CTNNA2: variants seen among roughly 807,000 people sequenced by gnomAD.
CTNNA2 encodes the protein catenin alpha 2.
A neutral mutation model predicts 101.0 loss-of-function variants in CTNNA2; 42 were observed. The observed-to-expected ratio is 0.42, with a 90% CI of 0.32 to 0.54. The LOEUF (loss-of-function observed/expected upper bound fraction) is 0.54, where lower values mean the gene tolerates loss of function less well. Ranked by LOEUF, CTNNA2 falls within the 20% of genes least tolerant of loss-of-function variation. The probability of loss-of-function intolerance (pLI) is 0.14; values close to 1 mark genes in which losing one functional copy is unlikely to be tolerated. For missense variants in CTNNA2, 871 were observed against 1,223.1 expected (o/e 0.71, Z 4.29); for synonymous variants, 450 against 456.4 (o/e 0.99, Z 0.18).
intron 2 of CTNNA2, among the ~76,000 whole-genome samples, chr2:79,652,503 T>C (rs1681330547): frequency 6.6e-6 from 1 of 152,108 alleles, no homozygotes; most frequent in Non-Finnish European, 1.5e-5. Context: ...TGTAGCATCT[T>C]CAAATTTCTC....
intron 3 of CTNNA2, among the ~76,000 whole-genome samples, chr2:79,776,463 C>T (rs1416597917): frequency 6.6e-6 from 1 of 152,084 alleles, no homozygotes; most frequent in Non-Finnish European, 1.5e-5. Context: ...AAATCAATTG[C>T]ATATGAGTCG....
At chr2:79,287,762 G>A (rs1675652554) in intron 2 of CTNNA2, among the ~76,000 whole-genome samples, 1 of 152,232 alleles carries the variant, frequency 6.6e-6, no homozygotes, top group South Asian at 2.1e-4. Context: ...TCCTTGAGCT[G>A]TGGTGGGCTC....
chr2:79,519,435 G>A (rs536495626), intron 1 of CTNNA2, among the ~76,000 whole-genome samples: 43 of 151,946 alleles, frequency 2.8e-4, no homozygotes, highest in African/African-American at 9.4e-4. Context: ...CTGAACCAAG[G>A]CAACTGGATT....
intron 7 of CTNNA2, among the ~76,000 whole-genome samples, chr2:79,913,247 G>A (rs1685938785): frequency 6.6e-6 from 1 of 152,206 alleles, no homozygotes; most frequent in Non-Finnish European, 1.5e-5. Context: ...TTGAAAGGAT[G>A]ACATTAGATC....
chr2:79,305,502 GT>G lies in CTNNA2; in HGVS notation c.-405-7203del, dbSNP rs200515856. ...GTGCATGGTATGGTATCTTTTCAAT[GT>G]TTTATTATATTCTACACTCTTTTTG... is the stretch of plus-strand genomic sequence containing the variant. On this transcript the variant is annotated intron_variant, in intron 2 of 21. Transcript: ENST00000466387. 6.7e-3 allele frequency among the ~76,000 whole-genome samples: 1,014 copies of G among 150,886 alleles called. 6 individuals are homozygous for G. Among genetic ancestry groups the G allele is most frequent in the African/African-American group, 0.023 (943 of 41,248 alleles).
intron 11 of CTNNA2, among the ~76,000 whole-genome samples, chr2:80,548,689 A>G (rs1235289439): frequency 6.6e-6 from 1 of 152,158 alleles, no homozygotes; most frequent in East Asian, 1.9e-4. Flanking sequence ...GGAGTTGACA[A>G]TCAGAGGCAG....
intron 7 of CTNNA2, among the ~76,000 whole-genome samples, chr2:80,043,580 G>C (rs1464876581): frequency 6.6e-6 from 1 of 152,136 alleles, no homozygotes; most frequent in Non-Finnish European, 1.5e-5. Context: ...GTTGAATGCA[G>C]AGCTCTCACA....
intron 1 of CTNNA2, among the ~76,000 whole-genome samples, chr2:79,584,357 G>A (rs1676336377): frequency 6.6e-6 from 1 of 151,916 alleles, no homozygotes; most frequent in African/African-American, 2.4e-5. Flanking sequence ...ATGGGTAGTT[G>A]TGGTGATTTT....
At chr2:79,677,735 C>A (rs1683279668) in intron 2 of CTNNA2, among the ~76,000 whole-genome samples, 1 of 152,308 alleles carries the variant, frequency 6.6e-6, no homozygotes, top group Non-Finnish European at 1.5e-5. Context: ...TTCCAAATAT[C>A]TTTGCCATGT....
rs143978953 is a variant in CTNNA2, at chr2:80,280,225, G to C, written c.1057-112986G>C. Reference sequence around the variant, plus strand: ...CACCAGCACATACTCCAGGATTTGAGCAATGAGAATCTTCTGGTATTTCTC... The same window carrying C: ...CACCAGCACATACTCCAGGATTTGACCAATGAGAATCTTCTGGTATTTCTC... On this transcript the variant is annotated intron_variant, in intron 7 of 18. Transcript: ENST00000402739. Among the ~76,000 whole-genome samples, 623 of 148,524 alleles carry C rather than the reference G, an allele frequency of 4.2e-3. 2 individuals are homozygous for C. The highest frequency in any genetic ancestry group is 0.015 in the African/African-American group (601 of 40,500).
At chr2:80,250,706 A>C (rs1038037329) in intron 7 of CTNNA2, among the ~76,000 whole-genome samples, 1 of 152,122 alleles carries the variant, frequency 6.6e-6, no homozygotes, top group Non-Finnish European at 1.5e-5. Flanking sequence ...GCTGAGGAGA[A>C]AATAAAAGGT....
intron 17 of CTNNA2, chr2:80,618,831 GCATCTT>G (rs1162850967): frequency 7.1e-6 from 2 of 282,350 alleles, no homozygotes; most frequent in Non-Finnish European, 1.3e-5. Context: ...AAGGCAGGGT[GCATCTT>G]CATTCTCCTC....
chr2:79,922,260 CAAG>C lies in CTNNA2; in HGVS notation c.1056+12468_1056+12470del, dbSNP rs1336487199. Among the ~76,000 whole-genome samples, 5 of 152,224 alleles carry C rather than the reference CAAG, an allele frequency of 3.3e-5. No homozygotes were observed. In the South Asian group the frequency reaches 8.3e-4, roughly 25 times the overall value. On this transcript the variant is annotated intron_variant, in intron 7 of 18. Coordinates refer to ENST00000402739, the MANE Select transcript of CTNNA2 (RefSeq NM_001282597.3). ...TCTTCTTTTTCCCCCTAAAGTGACT[CAAG>C]AAGACATCATTTGCATATTATGTAA...
At chr2:80,154,637 G>T (rs147470640) in intron 7 of CTNNA2, among the ~76,000 whole-genome samples, 1 of 152,124 alleles carries the variant, frequency 6.6e-6, no homozygotes, top group African/African-American at 2.4e-5. Context: ...ACAAGATTGT[G>T]CTGAGAAACT....
At chr2:79,261,554 A>G (rs1378889248) in intron 2 of CTNNA2, among the ~76,000 whole-genome samples, 1 of 152,222 alleles carries the variant, frequency 6.6e-6, no homozygotes. Flanking sequence ...GTTTCTGGCG[A>G]GACCTCCTTC....
chr2:80,133,666 T>C (rs1445683660), intron 7 of CTNNA2, among the ~76,000 whole-genome samples: 1 of 152,210 alleles, frequency 6.6e-6, no homozygotes, highest in Non-Finnish European at 1.5e-5. Flanking sequence ...TCAGTTCACC[T>C]ACAATTTACA....
At chr2:79,349,383 T>C (rs934799558) in intron 3 of CTNNA2, among the ~76,000 whole-genome samples, 1 of 152,220 alleles carries the variant, frequency 6.6e-6, no homozygotes, top group Admixed American at 6.5e-5. Flanking sequence ...TTTTTCTTGG[T>C]TTCATCCCAG....
chr2:79,559,603 T>C (rs1273361250), intron 1 of CTNNA2, among the ~76,000 whole-genome samples: 1 of 151,890 alleles, frequency 6.6e-6, no homozygotes, highest in African/African-American at 2.4e-5. Flanking sequence ...GTGAAGATGG[T>C]GATATCATCA....
At chr2:80,634,170 T>G (rs1464584163) in intron 18 of CTNNA2, among the ~76,000 whole-genome samples, 1 of 152,030 alleles carries the variant, frequency 6.6e-6, no homozygotes, top group Non-Finnish European at 1.5e-5. Context: ...ATGTTTGGGA[T>G]ATAATGGGAG....
Sources: allele counts gnomAD v4.1 joint callset (sites outside exome capture counted in the v4.1 genomes callset), GRCh38; gene constraint gnomAD v4.1.1; transcripts MANE v1.5; gene names NCBI Gene and HGNC (gene_info 2026-07-23, HGNC 2026-07-21).